Variants in CYP39A1 observed in about 807,000 individuals in gnomAD.
The protein encoded by CYP39A1 is cytochrome P450 family 39 subfamily A member 1, also known as 24-hydroxycholesterol 7-alpha-hydroxylase.
A neutral mutation model predicts 58.1 loss-of-function variants in CYP39A1; 49 were observed. That is an observed-to-expected ratio of 0.84 (90% confidence interval 0.67 to 1.07). The LOEUF is 1.07. CYP39A1 is among the 50% of genes least tolerant of loss of function. The pLI is 0.00. For missense variants in CYP39A1, 531 were observed against 539.4 expected (o/e 0.98, Z 0.16); for synonymous variants, 209 against 187.6 (o/e 1.11, Z -0.93).
intron 7 of CYP39A1, among the ~76,000 whole-genome samples, chr6:46,608,584 T>TA (rs1388915120): frequency 5.9e-5 from 9 of 152,146 alleles, no homozygotes; most frequent in African/African-American, 2.2e-4. Context: ...CTGAAGTAGA[T>TA]AATACCATTC....
intron 6 of CYP39A1, among the ~76,000 whole-genome samples, chr6:46,630,025 A>G (rs112765868): frequency 0.085 from 12,915 of 151,900 alleles, 1,836 homozygotes; most frequent in African/African-American, 0.29. Flanking sequence ...GAACCCGGGA[A>G]GCAGAGGTTG....
intron 7 of CYP39A1, among the ~76,000 whole-genome samples, chr6:46,617,571 T>G (rs1425430716): frequency 1.3e-5 from 2 of 152,132 alleles, no homozygotes; most frequent in Non-Finnish European, 2.9e-5. Flanking sequence ...GAAATTGGAT[T>G]GAAGCATCAT....
chr6:46,569,895 G>T (rs967368946), intron 10 of CYP39A1, among the ~76,000 whole-genome samples: 5 of 151,992 alleles, frequency 3.3e-5, no homozygotes, highest in African/African-American at 1.2e-4. Context: ...AATGGGTTTG[G>T]AAGTGTTCTC....
At chr6:46,563,830 G>A (rs1303868435) in intron 10 of CYP39A1, among the ~76,000 whole-genome samples, 1 of 152,098 alleles carries the variant, frequency 6.6e-6, no homozygotes, top group East Asian at 1.9e-4. Context: ...GACGCTCTGG[G>A]GAGGACATTC....
chr6:46,622,871 G>C, intron 7 of CYP39A1, among the ~76,000 whole-genome samples: 1 of 152,228 alleles, frequency 6.6e-6, no homozygotes, highest in Middle Eastern at 3.4e-3. Flanking sequence ...ACAAGAGTAG[G>C]CTGAAAGGCA....
intron 1 of CYP39A1, among the ~76,000 whole-genome samples, chr6:46,650,523 A>G (rs1335999447): frequency 2.0e-5 from 2 of 101,310 alleles, no homozygotes; most frequent in Non-Finnish European, 3.9e-5. Context: ...TTTTTTTAAG[A>G]GACAAGGTCT....
chr6:46,611,157 C>T (rs550150820), intron 7 of CYP39A1, among the ~76,000 whole-genome samples: 1 of 152,360 alleles, frequency 6.6e-6, no homozygotes, highest in African/African-American at 2.4e-5. Flanking sequence ...TTCTGGCCTT[C>T]AGCTCTAGTT....
chr6:46,628,708 C>T (rs1434264488), intron 6 of CYP39A1, among the ~76,000 whole-genome samples: 1 of 152,068 alleles, frequency 6.6e-6, no homozygotes, highest in African/African-American at 2.4e-5. Context: ...ACCACCTACA[C>T]CTCTGGTAGG....
chr6:46,577,541 A>T (rs1054552049), intron 10 of CYP39A1, among the ~76,000 whole-genome samples: 1 of 152,180 alleles, frequency 6.6e-6, no homozygotes, highest in African/African-American at 2.4e-5. Context: ...CCCATTTCAC[A>T]TGCAATGACA....
intron 1 of CYP39A1, among the ~76,000 whole-genome samples, chr6:46,646,312 T>C (rs981900019): frequency 2.6e-5 from 4 of 152,090 alleles, no homozygotes; most frequent in African/African-American, 9.6e-5. Context: ...AATCCTGATA[T>C]CATGAATGGA....
intron 2 of CYP39A1, among the ~76,000 whole-genome samples, 175 bp from the exon 3 acceptor site, chr6:46,639,843 G>A (rs1216637533): frequency 6.6e-6 from 1 of 152,160 alleles, no homozygotes; most frequent in Non-Finnish European, 1.5e-5. Context: ...GACTGAGTGT[G>A]GTGGCTCACA....
At chr6:46,552,293 T>C (rs771474074) in intron 11 of CYP39A1, among the ~76,000 whole-genome samples, 1 of 152,174 alleles carries the variant, frequency 6.6e-6, no homozygotes, top group Non-Finnish European at 1.5e-5. Context: ...ACCCTGATGT[T>C]CATTTTGTCA....
At chr6:46,552,418 C>A (rs1742180333) in intron 11 of CYP39A1, among the ~76,000 whole-genome samples, 2 of 152,114 alleles carry the variant, frequency 1.3e-5, no homozygotes, top group South Asian at 4.1e-4. Flanking sequence ...AATAGAAGTG[C>A]AAAAGAAATC....
intron 5 of CYP39A1, among the ~76,000 whole-genome samples, 189 bp from the exon 6 acceptor site, chr6:46,631,259 G>A (rs1775645636): frequency 6.6e-6 from 1 of 151,648 alleles, no homozygotes; most frequent in Non-Finnish European, 1.5e-5. Context: ...TAGGGATTCT[G>A]GAGCTTGACC....
At chr6:46,644,756 C>T (rs1259387521) in intron 1 of CYP39A1, among the ~76,000 whole-genome samples, 1 of 152,104 alleles carries the variant, frequency 6.6e-6, no homozygotes, top group Non-Finnish European at 1.5e-5. Flanking sequence ...TTTTATATTT[C>T]CACCATATGT....
chr6:46,561,050 T>C (rs1770944315), intron 10 of CYP39A1, among the ~76,000 whole-genome samples: 1 of 152,206 alleles, frequency 6.6e-6, no homozygotes, highest in African/African-American at 2.4e-5. Context: ...CTTAGCTCTC[T>C]TCCTACAAGT....
intron 7 of CYP39A1, among the ~76,000 whole-genome samples, chr6:46,598,018 T>C (rs555969884): frequency 3.3e-5 from 5 of 152,304 alleles, no homozygotes; most frequent in African/African-American, 1.2e-4. Context: ...AAACAATAAG[T>C]ATGCCTTCTG....
At chr6:46,573,630 T>A (rs1490954225) in intron 10 of CYP39A1, among the ~76,000 whole-genome samples, 1 of 152,130 alleles carries the variant, frequency 6.6e-6, no homozygotes, top group Non-Finnish European at 1.5e-5. Flanking sequence ...GGCACAGGCA[T>A]TTTTGTGGCA....
intron 11 of CYP39A1, among the ~76,000 whole-genome samples, chr6:46,553,073 CAAAAA>C (rs34991519): frequency 1.2e-5 from 1 of 81,372 alleles, no homozygotes; most frequent in African/African-American, 4.6e-5. Flanking sequence ...ACCCCCCAAC[CAAAAA>C]AAAAAAAAAA....
Sources: allele counts gnomAD v4.1 joint callset (sites outside exome capture counted in the v4.1 genomes callset), GRCh38; gene constraint gnomAD v4.1.1; transcripts MANE v1.5; gene names NCBI Gene and HGNC (gene_info 2026-07-23, HGNC 2026-07-21).